The following LRRC1 variants were observed in gnomAD, a reference collection of about 807,000 sequenced individuals.
LRRC1 encodes leucine rich repeat containing 1.
A neutral mutation model predicts 69.9 loss-of-function variants in LRRC1; 28 were observed. The ratio of observed to expected loss-of-function variants is 0.40; its 90% CI spans 0.30 to 0.55. The LOEUF (loss-of-function observed/expected upper bound fraction) is 0.55, where lower values mean the gene tolerates loss of function less well. Ranked by LOEUF, LRRC1 falls within the 20% of genes least tolerant of loss-of-function variation. The pLI is 0.47. For synonymous variants in LRRC1, 236 were observed against 240.2 expected, an observed-to-expected ratio of 0.98 and a Z score of 0.16; for missense variants, 498 against 609.0, an observed-to-expected ratio of 0.82 and a Z score of 1.92.
chr6:53,846,306 A>G (rs1765942273), intron 2 of LRRC1, among the ~76,000 whole-genome samples: 1 of 152,200 alleles, frequency 6.6e-6, no homozygotes, highest in Non-Finnish European at 1.5e-5. Context: ...GGATTATCTA[A>G]GCTGCAAGGA....
chr6:53,799,949 C>G (rs934888884), intron 1 of LRRC1, among the ~76,000 whole-genome samples: 2 of 152,164 alleles, frequency 1.3e-5, no homozygotes, highest in Non-Finnish European at 2.9e-5. Flanking sequence ...TGGTAGGCTT[C>G]ATCTGGATTT....
At chr6:53,891,109 A>G (rs182526922) in intron 4 of LRRC1, among the ~76,000 whole-genome samples, 77 of 152,310 alleles carry the variant, frequency 5.1e-4, no homozygotes, top group Non-Finnish European at 8.2e-4. Flanking sequence ...GCTATTATGA[A>G]CAGTGTAAAA....
At chr6:53,798,043 A>G (rs1042300780) in intron 1 of LRRC1, among the ~76,000 whole-genome samples, 3 of 152,198 alleles carry the variant, frequency 2.0e-5, no homozygotes, top group African/African-American at 7.2e-5. Flanking sequence ...AGTTATTGGG[A>G]ATATAGAGAT....
intron 2 of LRRC1, among the ~76,000 whole-genome samples, chr6:53,874,141 C>G (rs950351029): frequency 2.0e-5 from 3 of 152,196 alleles, no homozygotes; most frequent in South Asian, 2.1e-4. Flanking sequence ...AGGGCCAGCA[C>G]TCAGTGAAAT....
intron 1 of LRRC1, among the ~76,000 whole-genome samples, chr6:53,819,378 G>C (rs1765049126): frequency 6.6e-6 from 1 of 152,090 alleles, no homozygotes; most frequent in Admixed American, 6.6e-5. Flanking sequence ...TAAGGGCCTT[G>C]AAAAGTACTT....
In LRRC1 at chr6:53,815,494, T is replaced by C. The variant is rs567742966; in HGVS notation, c.159+20079T>C. ...CTTTAGGGCCTTTTTCTCCACATAC[T>C]TGCATATGCACACACAGTGAGCGTG... On this transcript the variant is annotated intron_variant, in intron 1 of 13. Transcript: ENST00000370888. Among the ~76,000 whole-genome samples, 11 of 152,284 alleles carry C rather than the reference T, an allele frequency of 7.2e-5. No individual in the cohort carries two copies. The South Asian group carries it at 1.5e-3, about 20-fold the overall frequency.
chr6:53,886,502 T>C (rs565042106), intron 4 of LRRC1, among the ~76,000 whole-genome samples: 31 of 152,250 alleles, frequency 2.0e-4, no homozygotes, highest in Non-Finnish European at 1.6e-4. Flanking sequence ...GCACTTCCTA[T>C]GGTGCAGTTC....
intron 1 of LRRC1, among the ~76,000 whole-genome samples, chr6:53,829,092 TGGGGAGTTGGGATTATGGAGCTTGG>T (rs1314554074): frequency 6.6e-6 from 1 of 152,188 alleles, no homozygotes; most frequent in Non-Finnish European, 1.5e-5. Flanking sequence ...AGTAAACTGT[TGGGGAGTTGGGATTATGGAGCTTGG>T]GCTCCACAGT....
chr6:53,866,821 A>T (rs986194030), intron 2 of LRRC1, among the ~76,000 whole-genome samples: 2 of 152,152 alleles, frequency 1.3e-5, no homozygotes, highest in African/African-American at 4.8e-5. Flanking sequence ...TAAATTATGT[A>T]TCTTGAAAAT....
rs3222575 is a variant in LRRC1 at position 53,851,173 on chromosome 6, G to GACACACACACACACACACAC, written c.277+8959_277+8978dup. On this transcript the variant is annotated intron_variant, in intron 2 of 13. Coordinates refer to ENST00000370888, the MANE Select transcript of LRRC1 (RefSeq NM_018214.5). ...GTCTCCAGGGAAACAGAACTAATAG[G>GACACACACACACACACACAC]ACACACACACACACACACACACACA... Among the ~76,000 whole-genome samples the GACACACACACACACACACAC allele has an allele frequency of 2.1e-5, 3 of 144,700 alleles. No individual in the cohort carries two copies. The Admixed American group carries it at 2.1e-4, about 10-fold the overall frequency. The allele number at this position is 144,700 out of a possible 152,430, so 94.9% of individuals were successfully genotyped here. A position where few individuals can be genotyped will look rare whatever the true frequency, so the allele number is the denominator to read the frequency against.
intron 1 of LRRC1, among the ~76,000 whole-genome samples, chr6:53,801,770 A>G (rs911224655): frequency 5.3e-5 from 8 of 152,262 alleles, no homozygotes; most frequent in Middle Eastern, 3.4e-3. Context: ...AATAATTATA[A>G]TGGGTTAGTG....
At chr6:53,900,018 CTGTTTTTTTTT>C in intron 8 of LRRC1, 127 bp downstream of exon 8, 42 of 283,876 alleles carry the variant, frequency 1.5e-4, no homozygotes, top group East Asian at 5.6e-4. Context: ...AGTCTCCTTA[CTGTTTTTTTTT>C]TTTTTTTTTT....
chr6:53,904,273 G>A (rs542947111), intron 9 of LRRC1, 106 bp from the exon 10 acceptor site: 17 of 647,154 alleles, frequency 2.6e-5, no homozygotes, highest in Non-Finnish European at 4.1e-5. Flanking sequence ...TATTGCTTCT[G>A]TTGCTGGATG....
chr6:53,889,862 T>C (rs553318554), intron 4 of LRRC1, among the ~76,000 whole-genome samples: 8 of 152,358 alleles, frequency 5.3e-5, no homozygotes, highest in African/African-American at 1.9e-4. Context: ...GATGATGTTA[T>C]ACCTGGGAAA....
intron 4 of LRRC1, among the ~76,000 whole-genome samples, chr6:53,893,308 C>T (rs955398598): frequency 1.8e-4 from 27 of 152,116 alleles, no homozygotes; most frequent in Non-Finnish European, 3.4e-4. Context: ...GCAAGCCTAG[C>T]TAATTAGTGA....
intron 13 of LRRC1, among the ~76,000 whole-genome samples, chr6:53,921,381 C>T (rs1036995535): frequency 1.3e-5 from 2 of 152,036 alleles, no homozygotes; most frequent in Non-Finnish European, 2.9e-5. Context: ...TTTAATTGTT[C>T]CCAGTGAATG....
intron 4 of LRRC1, among the ~76,000 whole-genome samples, chr6:53,885,440 T>TA: frequency 6.6e-6 from 1 of 152,336 alleles, no homozygotes; most frequent in South Asian, 2.1e-4. Context: ...ATAGAAGACA[T>TA]ACCTGTTTAA....
intron 2 of LRRC1, among the ~76,000 whole-genome samples, chr6:53,843,676 G>A (rs566337444): frequency 1.3e-5 from 2 of 152,200 alleles, no homozygotes; most frequent in South Asian, 4.2e-4. Context: ...AGGCGGGGTG[G>A]AATTAACATG....
intron 1 of LRRC1, among the ~76,000 whole-genome samples, chr6:53,815,335 T>C (rs1234426972): frequency 6.6e-6 from 1 of 152,152 alleles, no homozygotes; most frequent in African/African-American, 2.4e-5. Flanking sequence ...CCGAGCCTCA[T>C]TTTTCTCACC....
Sources: allele counts gnomAD v4.1 joint callset (sites outside exome capture counted in the v4.1 genomes callset), GRCh38; gene constraint gnomAD v4.1.1; transcripts MANE v1.5; gene names NCBI Gene and HGNC (gene_info 2026-07-23, HGNC 2026-07-21).